OSBPL10: variants seen among roughly 807,000 people sequenced by gnomAD.
The protein encoded by OSBPL10 is oxysterol binding protein like 10.
Under a neutral mutation model 81.7 loss-of-function variants are expected in OSBPL10, and 49 were observed. That is an observed-to-expected ratio of 0.60 (90% CI 0.48 to 0.76). OSBPL10 has a LOEUF of 0.76. OSBPL10 is among the 30% of genes least tolerant of loss of function. The pLI is 0.00. For missense variants in OSBPL10, 923 were observed against 987.8 expected (o/e 0.93, Z 0.88); for synonymous variants, 419 against 383.6 (o/e 1.09, Z -1.08).
At chr3:31,929,755 A>T (rs1410164759) in intron 1 of OSBPL10, among the ~76,000 whole-genome samples, 2 of 151,336 alleles carry the variant, frequency 1.3e-5, no homozygotes, top group African/African-American at 2.4e-5. Flanking sequence ...CTCAAAAAAA[A>T]AAAAAAAGGA....
At chr3:31,852,857 G>A (rs1247541324) in intron 3 of OSBPL10, among the ~76,000 whole-genome samples, 1 of 152,172 alleles carries the variant, frequency 6.6e-6, no homozygotes, top group East Asian at 1.9e-4. Flanking sequence ...GGGATTACAG[G>A]TGTGAGCCAC....
chr3:31,741,111 G>C (rs886137503), intron 5 of OSBPL10, among the ~76,000 whole-genome samples: 5 of 152,130 alleles, frequency 3.3e-5, no homozygotes, highest in African/African-American at 1.2e-4. Context: ...TCCTCTTCCT[G>C]TAACAGTGAA....
chr3:31,835,496 C>A (rs1700341332), intron 3 of OSBPL10, among the ~76,000 whole-genome samples: 1 of 152,156 alleles, frequency 6.6e-6, no homozygotes, highest in Non-Finnish European at 1.5e-5. Flanking sequence ...GACACAACCA[C>A]TTCTACTGTA....
At chr3:31,736,355 T>C (rs28667164) in intron 5 of OSBPL10, among the ~76,000 whole-genome samples, 4 of 152,020 alleles carry the variant, frequency 2.6e-5, no homozygotes, top group Non-Finnish European at 4.4e-5. Flanking sequence ...CAGCACTTCA[T>C]GTTATTTTTT....
chr3:31,954,240 C>A (rs1697947914), intron 1 of OSBPL10, among the ~76,000 whole-genome samples: 1 of 152,168 alleles, frequency 6.6e-6, no homozygotes, highest in Non-Finnish European at 1.5e-5. Context: ...GGCCAAGATG[C>A]CACAGGCCTG....
intron 1 of OSBPL10, among the ~76,000 whole-genome samples, chr3:31,960,813 A>G (rs984310678): frequency 6.6e-6 from 1 of 152,126 alleles, no homozygotes; most frequent in Non-Finnish European, 1.5e-5. Flanking sequence ...CACCACCAGG[A>G]GAGAATTACC....
chr3:31,728,900 C>G (rs771986906), intron 6 of OSBPL10, among the ~76,000 whole-genome samples: 4 of 152,010 alleles, frequency 2.6e-5, no homozygotes, highest in Non-Finnish European at 5.9e-5. Flanking sequence ...GTTGAGCATC[C>G]CAAATCCAAA....
chr3:31,862,084 C>T (rs1159964839), intron 3 of OSBPL10, among the ~76,000 whole-genome samples: 1 of 152,184 alleles, frequency 6.6e-6, no homozygotes, highest in African/African-American at 2.4e-5. Flanking sequence ...CTGCCACATG[C>T]CAGGCTCAGA....
At chr3:31,924,146 G>A (rs902295787) in intron 1 of OSBPL10, among the ~76,000 whole-genome samples, 1 of 151,440 alleles carries the variant, frequency 6.6e-6, no homozygotes, top group African/African-American at 2.4e-5. Flanking sequence ...TTGAACCTGG[G>A]AGGTGGAGGT....
chr3:32,007,447 C>T (rs1699214799), intron 2 of OSBPL10, among the ~76,000 whole-genome samples: 1 of 152,072 alleles, frequency 6.6e-6, no homozygotes, highest in South Asian at 2.1e-4. Flanking sequence ...ATCACTGGTC[C>T]AAAATCAAGG....
chr3:32,039,129 G>C (rs1263416993), intron 2 of OSBPL10, among the ~76,000 whole-genome samples: 2 of 151,822 alleles, frequency 1.3e-5, no homozygotes, highest in African/African-American at 4.8e-5. Context: ...TTCAAGACCA[G>C]CCTGGCCAAT....
chr3:31,938,206 A>AC (rs1305400804), intron 1 of OSBPL10, among the ~76,000 whole-genome samples: 1 of 151,994 alleles, frequency 6.6e-6, no homozygotes, highest in African/African-American at 2.4e-5. Flanking sequence ...TTCTTCTCTG[A>AC]CAGGCCTCTT....
At chr3:31,876,996 T>C (rs1198350821) in intron 2 of OSBPL10, among the ~76,000 whole-genome samples, 1 of 150,932 alleles carries the variant, frequency 6.6e-6, no homozygotes, top group African/African-American at 2.4e-5. Flanking sequence ...CTCTGCCTCC[T>C]GGGTTCATAC....
chr3:31,664,377 CGA>C, intron 10 of OSBPL10, 145 bp from the exon 11 acceptor site: 1 of 733,170 alleles, frequency 1.4e-6, no homozygotes, highest in East Asian at 2.7e-5. Flanking sequence ...TCAAAGACCC[CGA>C]GAGCCTAGAT....
At chr3:31,998,715 G>A (rs72854199) in intron 2 of OSBPL10, among the ~76,000 whole-genome samples, 1,672 of 152,194 alleles carry the variant, frequency 0.011, 35 homozygotes, top group African/African-American at 0.038. Context: ...TGAGAACTCC[G>A]CCCTTTCCCT....
intron 1 of OSBPL10, among the ~76,000 whole-genome samples, chr3:32,046,836 G>A (rs559879047): frequency 3.5e-4 from 53 of 152,292 alleles, no homozygotes; most frequent in African/African-American, 1.2e-3. Flanking sequence ...TTAAGGCACA[G>A]AGAGTTAAAT....
At chr3:31,664,587 C>T (rs1700145078) in intron 10 of OSBPL10, 1 of 342,868 alleles carries the variant, frequency 2.9e-6, no homozygotes, top group South Asian at 3.4e-5. Flanking sequence ...CATACATAAA[C>T]CTCTTTAATC....
intron 6 of OSBPL10, among the ~76,000 whole-genome samples, chr3:31,725,878 A>G (rs111912468): frequency 0.098 from 14,871 of 152,244 alleles, 1,800 homozygotes; most frequent in African/African-American, 0.29. Flanking sequence ...TATCTGCTAC[A>G]TGCATCGTAC....
rs533496055 is a variant in OSBPL10, at chr3:31,848,777, T to C, written c.538-18546A>G. On this transcript the variant is annotated intron_variant, in intron 3 of 11. Coordinates refer to ENST00000396556, the MANE Select transcript of OSBPL10 (RefSeq NM_017784.5). The stretch of plus-strand genomic sequence containing the variant: ...GCCAATGGTCTAAAATATTGTCTGA[T>C]ACATTAAAATGAAACAGAAGGAAAG... 2.0e-5 allele frequency among the ~76,000 whole-genome samples: 3 copies of C among 152,348 alleles called. No homozygotes were observed. The South Asian group carries it at 6.2e-4, about 32-fold the overall frequency.
Sources: allele counts gnomAD v4.1 joint callset (sites outside exome capture counted in the v4.1 genomes callset), GRCh38; gene constraint gnomAD v4.1.1; transcripts MANE v1.5; gene names NCBI Gene and HGNC (gene_info 2026-07-23, HGNC 2026-07-21).